The following ZDHHC7 variants were observed in gnomAD, a reference collection of about 807,000 sequenced individuals.
ZDHHC7 encodes the protein palmitoyltransferase ZDHHC7.
In ZDHHC7, 12 loss-of-function variants were observed where a neutral mutation model predicts 34.1. The ratio of observed to expected loss-of-function variants is 0.35; its 90% CI spans 0.23 to 0.57. ZDHHC7 has a LOEUF of 0.57. Among genes scored for constraint, ZDHHC7 ranks in the 20% least tolerant of loss-of-function variants. The pLI is 0.84. For missense variants in ZDHHC7, 388 were observed against 402.7 expected (o/e 0.96, Z 0.31); for synonymous variants, 185 against 155.4 (o/e 1.19, Z -1.42).
At chr16:85,024,000 C>G in the ZDHHC7 span, among the ~76,000 whole-genome samples, 1 of 152,198 alleles carries the variant, frequency 6.6e-6, no homozygotes, top group Non-Finnish European at 1.5e-5. Context: ...TCACTGCAAC[C>G]TCCACCTCCC....
upstream of ZDHHC7, among the ~76,000 whole-genome samples, chr16:85,015,382 T>C (rs2072829924): frequency 6.6e-6 from 1 of 152,098 alleles, no homozygotes; most frequent in South Asian, 2.1e-4. Context: ...ATTACAGATG[T>C]GAGCCACCAC....
upstream of ZDHHC7, among the ~76,000 whole-genome samples, chr16:85,012,122 C>T (rs1269406277): frequency 1.3e-5 from 2 of 152,180 alleles, no homozygotes; most frequent in South Asian, 2.1e-4. Flanking sequence ...TGGCTCACGC[C>T]TGTAACTCCA....
intron 1 of ZDHHC7, among the ~76,000 whole-genome samples, chr16:85,007,439 A>G (rs1440068958): frequency 6.6e-6 from 1 of 151,358 alleles, no homozygotes; most frequent in Non-Finnish European, 1.5e-5. Context: ...AAAAAAAAAA[A>G]GAATGGAATG....
At chr16:85,020,579 G>A in the ZDHHC7 span, among the ~76,000 whole-genome samples, 2 of 152,190 alleles carry the variant, frequency 1.3e-5, no homozygotes, top group East Asian at 1.9e-4. Flanking sequence ...GTCAAAGGAA[G>A]TGGGTTCTGG....
chr16:85,000,640 G>T (rs569052132), intron 1 of ZDHHC7, among the ~76,000 whole-genome samples: 1 of 152,120 alleles, frequency 6.6e-6, no homozygotes, highest in Non-Finnish European at 1.5e-5. Context: ...CATAAAAAAC[G>T]GAATTAAGCA....
the ZDHHC7 span, among the ~76,000 whole-genome samples, chr16:85,019,047 A>G: frequency 1.3e-5 from 2 of 152,242 alleles, no homozygotes; most frequent in Non-Finnish European, 2.9e-5. Context: ...GTGCTTGGCA[A>G]AGCCTTGTGT....
chr16:84,997,635 C>T (rs1418073154), intron 1 of ZDHHC7, among the ~76,000 whole-genome samples: 2 of 151,222 alleles, frequency 1.3e-5, no homozygotes, highest in Non-Finnish European at 2.9e-5. Context: ...TGGCTCACGC[C>T]TGTAACCCCA....
intron 1 of ZDHHC7, among the ~76,000 whole-genome samples, chr16:85,007,380 G>A (rs918791225): frequency 4.3e-5 from 6 of 140,684 alleles, no homozygotes; most frequent in African/African-American, 5.4e-5. Context: ...CCGAGACCAC[G>A]CCACCGCACT....
Position 84,976,076 on chromosome 16 carries a change from T to G in ZDHHC7, c.*267A>C, listed in dbSNP as rs965785084. The G allele has an allele frequency of 2.1e-5, 10 of 475,960 alleles. No homozygotes were observed. The highest frequency in any genetic ancestry group is 8.1e-5 in the Admixed American group (2 of 24,558). The allele number at this position is 475,960 out of a possible 1,614,324, so 29.5% of individuals were successfully genotyped here. A position where few individuals can be genotyped will look rare whatever the true frequency, so the allele number is the denominator to read the frequency against. On this transcript the variant is annotated 3_prime_UTR_variant, in exon 8 of 8. Coordinates refer to ENST00000313732, the MANE Select transcript of ZDHHC7 (RefSeq NM_017740.3). The stretch of plus-strand genomic sequence containing the variant: ...ACCCATGTAATAACCCGAAGTATTC[T>G]CCACAGAAGCCCCAGCTCTGCAGGA...
At position 85,011,479 on chromosome 16, in the gene ZDHHC7, C is replaced by G. The variant is rs1309993017; in HGVS notation, c.-297G>C. The G allele has an allele frequency of 1.3e-5, 2 of 152,210 alleles. No homozygotes were observed. The highest frequency in any genetic ancestry group is 2.9e-5 in the Non-Finnish European group (2 of 68,042). 9.4% of individuals were successfully genotyped at this position (152,210 alleles called of 1,614,324 possible). A position where few individuals can be genotyped will look rare whatever the true frequency, so the allele number is the denominator to read the frequency against. ...AGGTCGGAAGGAGGCTGCAGCCAAG[C>G]AAATGCCTCAGCCCGGAGCCTTGGC... On this transcript the variant is annotated 5_prime_UTR_variant, in exon 1 of 8. Coordinates refer to ENST00000313732, the MANE Select transcript of ZDHHC7 (RefSeq NM_017740.3).
At chr16:84,992,733 G>C (rs1397947485) in intron 2 of ZDHHC7, among the ~76,000 whole-genome samples, 4 of 152,160 alleles carry the variant, frequency 2.6e-5, no homozygotes, top group Non-Finnish European at 5.9e-5. Flanking sequence ...AGAAACCATG[G>C]CTTCTGAAAT....
chr16:85,026,097 C>T, the ZDHHC7 span, among the ~76,000 whole-genome samples: 1 of 152,150 alleles, frequency 6.6e-6, no homozygotes, highest in Non-Finnish European at 1.5e-5. Context: ...CATGATATTC[C>T]CCTAAAACAG....
At chr16:84,997,431 G>C (rs2072594246) in intron 1 of ZDHHC7, among the ~76,000 whole-genome samples, 1 of 150,820 alleles carries the variant, frequency 6.6e-6, no homozygotes, top group African/African-American at 2.4e-5. Context: ...ACCACACCCA[G>C]CTAATTATCT....
At chr16:85,013,521 G>C (rs537800361), upstream of ZDHHC7, among the ~76,000 whole-genome samples, 1 of 152,032 alleles carries the variant, frequency 6.6e-6, no homozygotes, top group Non-Finnish European at 1.5e-5. Context: ...GGGATTGTAG[G>C]CATGAGCCAC....
the ZDHHC7 span, among the ~76,000 whole-genome samples, chr16:85,024,016 C>A: frequency 1.3e-5 from 2 of 152,160 alleles, no homozygotes; most frequent in African/African-American, 4.8e-5. Context: ...CTCCCGGGTT[C>A]AAGCAATTCT....
the ZDHHC7 span, among the ~76,000 whole-genome samples, chr16:85,022,150 ACT>A: frequency 6.0e-5 from 9 of 150,564 alleles, no homozygotes; most frequent in African/African-American, 2.2e-4. Flanking sequence ...ACAGAGCGAA[ACT>A]CTGTCTCAAA....
Position 84,990,517 on chromosome 16 carries a change from G to A in ZDHHC7, c.102C>T (p.Asp34=), listed in dbSNP as rs199874576. Residue 34 remains aspartate (D), a synonymous_variant, in exon 3 of 8, where the codon GAC becomes GAT. Coordinates refer to ENST00000313732, the MANE Select transcript of ZDHHC7 (RefSeq NM_017740.3). ...GGATGAACCAGACCCGGTCAGCCAC[G>A]TCAGCCTCGGAGGAGGAGGACGATG... is the stretch of plus-strand genomic sequence containing the variant. ...DSSSSSSSEA[D]VADRVWFIRD... 254 of 1,614,040 alleles carry A rather than the reference G, an allele frequency of 1.6e-4. No individual in the cohort carries two copies. The highest frequency in any genetic ancestry group is 2.0e-4 in the Non-Finnish European group (240 of 1,180,032).
intron 3 of ZDHHC7, among the ~76,000 whole-genome samples, chr16:84,987,720 C>A (rs1467843889): frequency 6.6e-6 from 1 of 152,206 alleles, no homozygotes; most frequent in African/African-American, 2.4e-5. Context: ...CTAACGATGG[C>A]TATAGGTGAG....
intron 3 of ZDHHC7, among the ~76,000 whole-genome samples, chr16:84,989,694 C>CAAAAAAAAA (rs35823318): frequency 2.1e-5 from 2 of 96,484 alleles, no homozygotes; most frequent in African/African-American, 4.1e-5. Flanking sequence ...AACTCCGTCT[C>CAAAAAAAAA]AAAAAAAAAA....
Sources: gnomAD v4.1 joint callset for allele counts (sites outside exome capture counted in the v4.1 genomes callset) on GRCh38, gnomAD v4.1.1 for gene constraint, MANE v1.5 for transcripts, NCBI Gene and HGNC (gene_info 2026-07-23, HGNC 2026-07-21) for gene names.